Variants in SERPINI1 observed in about 807,000 individuals in gnomAD.
The protein encoded by SERPINI1 is neuroserpin.
SERPINI1 carries 19 observed loss-of-function variants against 41.1 expected under a neutral mutation model. That is an observed-to-expected ratio of 0.46 (90% CI 0.32 to 0.68). SERPINI1 has a LOEUF of 0.68. Ranked by LOEUF, SERPINI1 falls within the 30% of genes least tolerant of loss-of-function variation. The pLI is 0.03. For missense variants in SERPINI1, 460 were observed against 479.2 expected, an observed-to-expected ratio of 0.96 and a Z score of 0.37; for synonymous variants, 138 against 156.6, an observed-to-expected ratio of 0.88 and a Z score of 0.89.
intron 1 of SERPINI1, among the ~76,000 whole-genome samples, chr3:167,775,909 T>C (rs540739705): frequency 6.6e-6 from 1 of 152,046 alleles, no homozygotes; most frequent in Non-Finnish European, 1.5e-5. Context: ...GTAAAAATAC[T>C]CTTTTCTCCA....
chr3:167,762,109 T>C (rs1398933967), intron 1 of SERPINI1, among the ~76,000 whole-genome samples: 1 of 152,116 alleles, frequency 6.6e-6, no homozygotes, highest in Admixed American at 6.5e-5. Flanking sequence ...AGGGAAACCT[T>C]CAGAAAACTT....
chr3:167,766,916 A>G (rs987025290), intron 1 of SERPINI1, among the ~76,000 whole-genome samples: 1 of 152,244 alleles, frequency 6.6e-6, no homozygotes, highest in Non-Finnish European at 1.5e-5. Context: ...ATAAAAGCGT[A>G]TGGAGAAGCA....
intron 5 of SERPINI1, among the ~76,000 whole-genome samples, chr3:167,799,225 A>C (rs1727818709): frequency 6.6e-6 from 1 of 151,964 alleles, no homozygotes; most frequent in Non-Finnish European, 1.5e-5. Context: ...CCGGTGTGTG[A>C]TGTTCCCTTC....
At chr3:167,806,647 T>G in intron 5 of SERPINI1, among the ~76,000 whole-genome samples, 1 of 152,174 alleles carries the variant, frequency 6.6e-6, no homozygotes. Context: ...ATGTAGTGCA[T>G]TTTATTTTTG....
chr3:167,758,846 A>C (rs371822337), intron 1 of SERPINI1, among the ~76,000 whole-genome samples: 3 of 152,200 alleles, frequency 2.0e-5, no homozygotes, highest in African/African-American at 4.8e-5. Flanking sequence ...TGAATGAAGG[A>C]TATATGGGAA....
intron 6 of SERPINI1, among the ~76,000 whole-genome samples, chr3:167,820,862 G>A (rs573516998): frequency 2.2e-4 from 33 of 152,222 alleles, no homozygotes; most frequent in East Asian, 1.2e-3. Context: ...GAGAACTTAC[G>A]GTGCTTTTTC....
intron 6 of SERPINI1, among the ~76,000 whole-genome samples, chr3:167,810,064 C>T (rs940336300): frequency 2.0e-5 from 3 of 152,162 alleles, no homozygotes; most frequent in Non-Finnish European, 4.4e-5. Flanking sequence ...GCCATGCACA[C>T]ACACATTAAT....
At position 167,825,379 on chromosome 3, in the gene SERPINI1, T is replaced by C. The variant is rs1188985964; in HGVS notation, c.*56T>C. The C allele has an allele frequency of 9.5e-7, 1 of 1,052,442 alleles. No individual in the cohort carries two copies. The highest frequency in any genetic ancestry group is 1.5e-6 in the Non-Finnish European group (1 of 667,444). The allele number at this position is 1,052,442 out of a possible 1,614,324, so 65.2% of individuals were successfully genotyped here. On this transcript the variant is annotated 3_prime_UTR_variant, in exon 9 of 9. Transcript: ENST00000446050. ...TAACTAAGCACATTATGTTTGCAAC[T>C]GGTATATATTTAGGATTTGTGTTTT...
At chr3:167,749,439 A>G (rs746889432) in intron 1 of SERPINI1, among the ~76,000 whole-genome samples, 9 of 152,338 alleles carry the variant, frequency 5.9e-5, no homozygotes, top group African/African-American at 1.9e-4. Flanking sequence ...ATGACAAGCT[A>G]CAGTACAGTA....
rs1344969234 is a variant in SERPINI1 at position 167,789,183 on chromosome 3, G to A, written c.55G>A (p.Ala19Thr). The A allele has an allele frequency of 1.9e-6, 3 of 1,614,116 alleles. No homozygotes were observed. Among genetic ancestry groups the A allele is most frequent in the Non-Finnish European group, 2.5e-6 (3 of 1,179,992 alleles). ...GGTTCTGCAAAGTATGGCTACAGGG[G>A]CCACTTTCCCTGAGGAAGCCATTGC... is the stretch of plus-strand genomic sequence containing the variant. ...LLVLQSMATG[A>T]TFPEEAIADL... is the part of the protein sequence containing the mutation. The change falls in exon 2 of 9, where the codon GCC becomes ACC. Residue 19 changes from alanine to threonine, a missense_variant. Physicochemically the swap from Ala to Thr is moderately conservative, Grantham distance 58. Transcript: ENST00000446050.
At chr3:167,758,998 G>GT (rs2108538846) in intron 1 of SERPINI1, among the ~76,000 whole-genome samples, 1 of 152,218 alleles carries the variant, frequency 6.6e-6, no homozygotes, top group Non-Finnish European at 1.5e-5. Context: ...AGATACAGAT[G>GT]TTTTTATGAT....
At chr3:167,748,124 G>A (rs949509630) in intron 1 of SERPINI1, among the ~76,000 whole-genome samples, 8 of 151,474 alleles carry the variant, frequency 5.3e-5, no homozygotes, top group Admixed American at 2.0e-4. Context: ...AGAACTTTAA[G>A]ATAGAATGAC....
At chr3:167,789,007 AC>A in intron 1 of SERPINI1, 103 bp from the exon 2 acceptor site, 1 of 1,068,772 alleles carries the variant, frequency 9.4e-7, no homozygotes, top group Non-Finnish European at 1.4e-6. Flanking sequence ...TGTTCATTTA[AC>A]TGTTAATTGA....
rs1220157296 is a variant in SERPINI1 at position 167,789,101 on chromosome 3, TG to T, written c.-18-9del. On this transcript the variant is annotated splice_polypyrimidine_tract_variant and intron_variant, in intron 1 of 8. Transcript: ENST00000446050. ...AACTAATAATTAATATGTAAATTGT[TG>T]TTTTTTAGGCTTGAAACTGTTACAA... 1 of 1,611,582 alleles carries T rather than the reference TG, an allele frequency of 6.2e-7. No homozygotes were observed. Among genetic ancestry groups the T allele is most frequent in the Non-Finnish European group, 8.5e-7 (1 of 1,179,460 alleles).
At chr3:167,739,728 T>A (rs1241507311) in intron 1 of SERPINI1, among the ~76,000 whole-genome samples, 2 of 152,082 alleles carry the variant, frequency 1.3e-5, no homozygotes. Flanking sequence ...TTCTAATTAT[T>A]TCTTCCAAAA....
At chr3:167,822,289 G>A (rs1398542077) in intron 6 of SERPINI1, among the ~76,000 whole-genome samples, 1 of 152,048 alleles carries the variant, frequency 6.6e-6, no homozygotes, top group Non-Finnish European at 1.5e-5. Context: ...TGAAGTACTG[G>A]GGGTTATGAC....
At chr3:167,736,660 G>C (rs1329600510) in intron 1 of SERPINI1, among the ~76,000 whole-genome samples, 1 of 152,150 alleles carries the variant, frequency 6.6e-6, no homozygotes, top group African/African-American at 2.4e-5. Flanking sequence ...TGTTATGATA[G>C]TGGGTTCAGT....
At chr3:167,782,590 T>A (rs1310439744) in intron 1 of SERPINI1, among the ~76,000 whole-genome samples, 1 of 152,176 alleles carries the variant, frequency 6.6e-6, no homozygotes, top group Non-Finnish European at 1.5e-5. Flanking sequence ...AAGATGAATA[T>A]CCTTCCATTT....
intron 1 of SERPINI1, among the ~76,000 whole-genome samples, chr3:167,766,838 GA>G (rs1726582354): frequency 6.6e-6 from 1 of 152,228 alleles, no homozygotes; most frequent in Non-Finnish European, 1.5e-5. Flanking sequence ...AGAGGTTTCA[GA>G]AGAAAAGATT....
Sources: gnomAD v4.1 joint callset for allele counts (sites outside exome capture counted in the v4.1 genomes callset) on GRCh38, gnomAD v4.1.1 for gene constraint, MANE v1.5 for transcripts, NCBI Gene and HGNC (gene_info 2026-07-23, HGNC 2026-07-21) for gene names.